SLC2A2: variants seen among roughly 807,000 people sequenced by gnomAD.
The protein encoded by SLC2A2 is solute carrier family 2 member 2.
Under a neutral mutation model 54.5 loss-of-function variants are expected in SLC2A2, and 36 were observed. The ratio of observed to expected loss-of-function variants is 0.66; its 90% CI spans 0.51 to 0.87. The LOEUF (loss-of-function observed/expected upper bound fraction) is 0.87, where lower values mean the gene tolerates loss of function less well. Ranked by LOEUF, SLC2A2 falls within the 40% of genes least tolerant of loss-of-function variation. The pLI is 0.00. For synonymous variants in SLC2A2, 223 were observed against 219.1 expected (o/e 1.02, Z -0.16); for missense variants, 543 against 624.3 (o/e 0.87, Z 1.39).
intron 3 of SLC2A2, 59 bp from the exon 4 acceptor site, chr3:171,010,141 G>A (rs184539030): frequency 5.1e-5 from 79 of 1,541,066 alleles, no homozygotes; most frequent in Non-Finnish European, 5.6e-5. Flanking sequence ...AAAATTATTC[G>A]CTTTCAGAGC....
chr3:171,008,455 T>A (rs1715715404), intron 4 of SLC2A2, among the ~76,000 whole-genome samples: 1 of 152,106 alleles, frequency 6.6e-6, no homozygotes, highest in Admixed American at 6.6e-5. Flanking sequence ...AGGTCTGAAG[T>A]CACATGAACT....
chr3:171,005,019 G>A (rs1262270945), intron 7 of SLC2A2, among the ~76,000 whole-genome samples: 1 of 148,114 alleles, frequency 6.8e-6, no homozygotes, highest in Admixed American at 6.7e-5. Flanking sequence ...TTCCCTCCTT[G>A]TATGTATTAA....
intron 1 of SLC2A2, among the ~76,000 whole-genome samples, chr3:171,023,672 T>C (rs775261662): frequency 1.3e-5 from 2 of 152,194 alleles, no homozygotes; most frequent in Non-Finnish European, 2.9e-5. Flanking sequence ...TCTGAGGTTC[T>C]AGATGGTTTG....
In SLC2A2 at chr3:171,007,203, C is replaced by A; in HGVS notation, c.557G>T (p.Gly186Val). The A allele has an allele frequency of 6.2e-7, 1 of 1,612,776 alleles. No homozygotes were observed. Among genetic ancestry groups the A allele is most frequent in the Non-Finnish European group, 8.5e-7 (1 of 1,179,202 alleles). The part of the protein sequence containing the change: ...IGEIAPTALR[G>V]ALGTFHQLAI... Reference sequence around the variant, plus strand: ...CAGCTGATGAAAAGTGCCAAGTGCTCCCCTGAGAGCGGTTGGAGCAATTTC... The same window carrying A: ...CAGCTGATGAAAAGTGCCAAGTGCTACCCTGAGAGCGGTTGGAGCAATTTC... The change falls in exon 5 of 11, where the codon GGA (glycine) becomes GTA (valine). Residue 186 changes from glycine (G) to valine (V), a missense_variant. By Grantham distance (109) the Gly-to-Val change is moderately radical (BLOSUM62 -3). Around this residue, in one of 3 missense-constraint regions of SLC2A2, gnomAD observed 318 missense variants for 343.8 expected, o/e 0.93. Coordinates refer to ENST00000314251, the MANE Select transcript of SLC2A2 (RefSeq NM_000340.2).
chr3:171,014,485 C>T lies in SLC2A2; in HGVS notation c.355G>A (p.Gly119Arg). The T allele has an allele frequency of 1.2e-6, 2 of 1,614,106 alleles. No homozygotes were observed. The highest frequency in any genetic ancestry group is 1.7e-6 in the Non-Finnish European group (2 of 1,179,992). The change falls in exon 3 of 11, where the codon GGG (glycine) becomes AGG (arginine). Residue 119 changes from glycine (G) to arginine (R), a missense_variant. By Grantham distance (125) the Gly-to-Arg change is moderately radical. This residue lies in a region of SLC2A2 where 318 missense variants were observed against 343.8 expected (regional missense o/e 0.93). Coordinates refer to ENST00000314251, the MANE Select transcript of SLC2A2 (RefSeq NM_000340.2). ...MTASFFGGWLGDTLGRIKAML... is the reference protein window; with the variant it reads ...MTASFFGGWLRDTLGRIKAML... ...TTTGCCTACCTTCCAAGTGTGTCCC[C>T]AAGCCACCCACCAAAGAATGATGCA...
intron 1 of SLC2A2, among the ~76,000 whole-genome samples, chr3:171,025,656 G>A (rs116196151): frequency 0.017 from 2,512 of 152,220 alleles, 38 homozygotes; most frequent in Middle Eastern, 0.048. Context: ...TGACTCCAAA[G>A]CCAGTGCAGC....
At chr3:171,009,911 AG>A (rs774985551) in intron 4 of SLC2A2, 46 bp downstream of exon 4, 20 of 1,274,620 alleles carry the variant, frequency 1.6e-5, no homozygotes, top group Non-Finnish European at 2.1e-5. Flanking sequence ...AGACAAAGGT[AG>A]GTGTGTGTGT....
chr3:171,021,370 A>G (rs1443908463), intron 1 of SLC2A2, among the ~76,000 whole-genome samples: 1 of 152,198 alleles, frequency 6.6e-6, no homozygotes, highest in African/African-American at 2.4e-5. Context: ...GCCTAATACT[A>G]CTTATGCTTA....
At chr3:170,998,997 C>T in intron 9 of SLC2A2, 68 bp downstream of exon 9, 2 of 995,164 alleles carry the variant, frequency 2.0e-6, no homozygotes, top group Non-Finnish European at 3.3e-6. Flanking sequence ...GCACTTTAAC[C>T]TGGACCACAG....
intron 8 of SLC2A2, 68 bp from the exon 9 acceptor site, chr3:170,999,234 A>AT: frequency 9.7e-7 from 1 of 1,027,030 alleles, no homozygotes; most frequent in East Asian, 2.4e-5. Context: ...TACTTAAATC[A>AT]TTTTTACTGC....
At chr3:171,009,231 T>A (rs1375626244) in intron 4 of SLC2A2, among the ~76,000 whole-genome samples, 2 of 152,142 alleles carry the variant, frequency 1.3e-5, no homozygotes, top group Admixed American at 6.6e-5. Context: ...CTCTGAATGT[T>A]TGAAAAGCTG....
At chr3:171,001,944 A>G (rs1287765397) in intron 8 of SLC2A2, among the ~76,000 whole-genome samples, 2 of 151,736 alleles carry the variant, frequency 1.3e-5, no homozygotes, top group Admixed American at 6.6e-5. Flanking sequence ...TTGGAAGAAA[A>G]CAATAACATT....
chr3:171,008,369 T>C (rs191059690), intron 4 of SLC2A2, among the ~76,000 whole-genome samples: 1 of 152,106 alleles, frequency 6.6e-6, no homozygotes, highest in Non-Finnish European at 1.5e-5. Context: ...TTTATTTGGC[T>C]CAATTCTAAG....
intron 2 of SLC2A2, among the ~76,000 whole-genome samples, chr3:171,015,667 T>G (rs1179546477): frequency 6.6e-6 from 1 of 152,102 alleles, no homozygotes; most frequent in Non-Finnish European, 1.5e-5. Flanking sequence ...ATGGTGTATC[T>G]TTGTTGGAAG....
chr3:171,019,161 G>GTA (rs1184816638), intron 1 of SLC2A2, among the ~76,000 whole-genome samples: 1 of 129,724 alleles, frequency 7.7e-6, no homozygotes, highest in African/African-American at 2.8e-5. Context: ...ATATACGTAT[G>GTA]TATATATATT....
Position 171,026,661 on chromosome 3 carries a change from C to A in SLC2A2, c.10G>T (p.Asp4Tyr). Residue 4 changes from aspartate (D) to tyrosine (Y), a missense_variant, in exon 1 of 11, where the codon GAT becomes TAT. Asp to Tyr is a radical substitution (Grantham distance 160, BLOSUM62 -3). This residue lies in a region of SLC2A2 where 318 missense variants were observed against 343.8 expected (regional missense o/e 0.93). Coordinates refer to ENST00000314251, the MANE Select transcript of SLC2A2 (RefSeq NM_000340.2). ...TGAATATAATGCTGCTTTACCTTAT[C>A]TTCTGTCATTGTACTAGTTGGGAGT... is the stretch of plus-strand genomic sequence containing the variant. MTE[D>Y]KVTGTLVFTV... 1 of 1,613,196 alleles carries A rather than the reference C, an allele frequency of 6.2e-7. No homozygotes were observed. Among genetic ancestry groups the A allele is most frequent in the South Asian group, 1.1e-5 (1 of 91,054 alleles).
intron 3 of SLC2A2, 30 bp downstream of exon 3, chr3:171,014,439 T>G (rs1228621606): frequency 6.2e-7 from 1 of 1,609,826 alleles, no homozygotes. Context: ...TGAAAGTTTC[T>G]GTTTATGCTT....
intron 1 of SLC2A2, among the ~76,000 whole-genome samples, chr3:171,024,521 A>C (rs950609730): frequency 4.6e-5 from 7 of 152,268 alleles, no homozygotes; most frequent in African/African-American, 1.4e-4. Context: ...AGGGAGGAGA[A>C]GCTTATACCC....
chr3:171,010,856 GACA>G (rs1279777349), intron 3 of SLC2A2, among the ~76,000 whole-genome samples: 4 of 152,036 alleles, frequency 2.6e-5, no homozygotes, highest in Non-Finnish European at 5.9e-5. Context: ...GATGAAAATT[GACA>G]ACATTTGCAG....
Sources: gnomAD v4.1 joint callset for allele counts (sites outside exome capture counted in the v4.1 genomes callset) on GRCh38, gnomAD v4.1.1 for gene constraint, gnomAD v4.1.1 regional missense constraint, MANE v1.5 for transcripts, NCBI Gene and HGNC (gene_info 2026-07-23, HGNC 2026-07-21) for gene names.